ALPK1: variants seen among roughly 807,000 people sequenced by gnomAD.
ALPK1 encodes alpha-protein kinase 1.
In ALPK1, 110 loss-of-function variants were observed where a neutral mutation model predicts 120.6. The observed-to-expected ratio is 0.91, with a 90% confidence interval of 0.78 to 1.07. ALPK1 has a LOEUF of 1.07. ALPK1 is among the 50% of genes least tolerant of loss of function. The probability of loss-of-function intolerance (pLI) is 0.00; values close to 1 mark genes in which losing one functional copy is unlikely to be tolerated. For synonymous variants in ALPK1, 582 were observed against 560.3 expected (o/e 1.04, Z -0.55); for missense variants, 1,498 against 1,483.9 (o/e 1.01, Z -0.16).
In ALPK1 at chr4:112,432,136, T is replaced by A. The variant is rs1409535886; in HGVS notation, c.2589T>A (p.Val863=). ...GGCAACTGCTCGACAGCATGGATGT[T>A]CCCTGCACAAATGGGCACGGCTCTC... ...EEGQLLDSMD[V]PCTNGHGSHR... The change falls in exon 11 of 16, where the codon GTT becomes GTA. Residue 863 remains valine (V), a synonymous_variant. Coordinates refer to ENST00000650871, the MANE Select transcript of ALPK1 (RefSeq NM_025144.4). 6.2e-7 allele frequency: 1 copy of A among 1,614,198 alleles called. No homozygotes were observed. Among genetic ancestry groups the A allele is most frequent in the Non-Finnish European group, 8.5e-7 (1 of 1,180,030 alleles).
At chr4:112,320,066 AC>A (rs1339232352) in intron 2 of ALPK1, among the ~76,000 whole-genome samples, 1 of 152,152 alleles carries the variant, frequency 6.6e-6, no homozygotes, top group East Asian at 1.9e-4. Context: ...TCTGGCTAGG[AC>A]TTCCAGTGCT....
chr4:112,359,350 A>C (rs369230588), intron 2 of ALPK1: 23 of 389,270 alleles, frequency 5.9e-5, no homozygotes, highest in African/African-American at 4.5e-4. Flanking sequence ...GCCTACAAGC[A>C]GGATGATGAC....
intron 2 of ALPK1, among the ~76,000 whole-genome samples, chr4:112,338,474 C>T (rs1355473896): frequency 1.3e-5 from 2 of 152,006 alleles, no homozygotes; most frequent in African/African-American, 4.8e-5. Context: ...AAAGTCTATA[C>T]TTTTTTTACC....
intron 3 of ALPK1, among the ~76,000 whole-genome samples, chr4:112,382,176 T>C (rs1731943155): frequency 6.6e-6 from 1 of 152,198 alleles, no homozygotes; most frequent in African/African-American, 2.4e-5. Context: ...CCAATTTACC[T>C]GTAGGGCAAA....
At chr4:112,325,508 T>C (rs1195730901) in intron 2 of ALPK1, among the ~76,000 whole-genome samples, 1 of 152,224 alleles carries the variant, frequency 6.6e-6, no homozygotes, top group Non-Finnish European at 1.5e-5. Flanking sequence ...ATTTAGGTCA[T>C]TCACATTCAA....
intron 4 of ALPK1, among the ~76,000 whole-genome samples, chr4:112,387,822 G>A (rs1732220486): frequency 6.6e-6 from 1 of 152,206 alleles, no homozygotes; most frequent in Non-Finnish European, 1.5e-5. Flanking sequence ...ATGCAGGTTT[G>A]TTATGTAGGT....
At chr4:112,331,638 A>G (rs1196533143) in intron 2 of ALPK1, among the ~76,000 whole-genome samples, 1 of 152,268 alleles carries the variant, frequency 6.6e-6, no homozygotes, top group African/African-American at 2.4e-5. Flanking sequence ...ATGCATAAAC[A>G]TCAGTAAATC....
At chr4:112,394,108 C>T (rs1022649846) in intron 4 of ALPK1, among the ~76,000 whole-genome samples, 1 of 152,150 alleles carries the variant, frequency 6.6e-6, no homozygotes, top group Admixed American at 6.5e-5. Context: ...CCAAGTCACA[C>T]AGCCAGTTCG....
At chr4:112,356,532 G>T in intron 2 of ALPK1, 1 of 855,192 alleles carries the variant, frequency 1.2e-6, no homozygotes, top group East Asian at 2.8e-5. Flanking sequence ...CCGGCCTGAG[G>T]TGTGTGTGCT....
At position 112,438,617 on chromosome 4, in the gene ALPK1, A is replaced by G; in HGVS notation, c.3322A>G (p.Ile1108Val). The G allele has an allele frequency of 6.2e-7, 1 of 1,613,780 alleles. No homozygotes were observed. The highest frequency in any genetic ancestry group is 8.5e-7 in the Non-Finnish European group (1 of 1,179,774). Residue 1108 changes from isoleucine to valine, a missense_variant, in exon 13 of 16, where the codon ATA becomes GTA. Ile to Val is a conservative substitution (Grantham distance 29). Transcript: ENST00000650871. Reference sequence around the variant, plus strand: ...CTATGAACAAAACATTCCCACCCAGATATTCTACATCCCATCCACAATACT... The same window carrying G: ...CTATGAACAAAACATTCCCACCCAGGTATTCTACATCCCATCCACAATACT... ...RLYEQNIPTQ[I>V]FYIPSTILLI...
chr4:112,356,256 C>T, intron 2 of ALPK1: 1 of 1,397,718 alleles, frequency 7.2e-7, no homozygotes, highest in South Asian at 1.2e-5. Context: ...CTGGAGAGCC[C>T]CGCGGGCACA....
At chr4:112,406,657 A>C (rs1044361116) in intron 4 of ALPK1, among the ~76,000 whole-genome samples, 1 of 152,166 alleles carries the variant, frequency 6.6e-6, no homozygotes, top group African/African-American at 2.4e-5. Context: ...AGAAGTTAGA[A>C]TCCCTCTCCA....
chr4:112,355,405 G>A (rs970904654), intron 2 of ALPK1, among the ~76,000 whole-genome samples: 6 of 152,154 alleles, frequency 3.9e-5, no homozygotes, highest in African/African-American at 1.4e-4. Context: ...AAGCTGGACC[G>A]AGCGGGAGAG....
At chr4:112,379,340 G>C (rs1264456222) in intron 3 of ALPK1, among the ~76,000 whole-genome samples, 4 of 152,214 alleles carry the variant, frequency 2.6e-5, no homozygotes, top group African/African-American at 9.6e-5. Flanking sequence ...AGCTGCTTGG[G>C]GAAGCAAGTG....
intron 2 of ALPK1, among the ~76,000 whole-genome samples, chr4:112,373,187 G>A (rs1209505364): frequency 1.3e-5 from 2 of 152,190 alleles, no homozygotes; most frequent in East Asian, 3.8e-4. Context: ...CCTCTGTCAA[G>A]GAATGATGGG....
intron 2 of ALPK1, chr4:112,356,694 G>T: frequency 1.0e-6 from 1 of 974,634 alleles, no homozygotes. Context: ...GAGCTGGCCA[G>T]CCCCATCCTG....
rs1336343869 is a variant in ALPK1, at chr4:112,411,914, G to C, written c.364G>C (p.Asp122His). Residue 122 changes from aspartate (D) to histidine (H), a missense_variant, in exon 5 of 16, where the codon GAC (aspartate) becomes CAC (histidine). Asp to His is a moderately conservative substitution (Grantham distance 81). Coordinates refer to ENST00000650871, the MANE Select transcript of ALPK1 (RefSeq NM_025144.4). The stretch of plus-strand genomic sequence containing the variant: ...GGTGGACCGGTTCCTGTATGGGCTC[G>C]ACGTCTCTGGAAAACTTCTGCAGGT... Reference protein sequence around the residue: ...FLVDRFLYGLDVSGKLLQVAK... With the variant: ...FLVDRFLYGLHVSGKLLQVAK... 1 of 1,614,092 alleles carries C rather than the reference G, an allele frequency of 6.2e-7. No individual in the cohort carries two copies. The highest frequency in any genetic ancestry group is 1.7e-5 in the Admixed American group (1 of 60,024).
chr4:112,434,267 G>T (rs1403438530), intron 11 of ALPK1, among the ~76,000 whole-genome samples: 3 of 152,122 alleles, frequency 2.0e-5, no homozygotes, highest in African/African-American at 7.2e-5. Flanking sequence ...CCTGTGTGTG[G>T]ACAGACAACT....
In ALPK1 at chr4:112,352,828, T is replaced by G. The variant is rs191041279; in HGVS notation, c.-100-24850T>G. 145 of 152,334 alleles carry G rather than the reference T, an allele frequency of 9.5e-4. 4 individuals are homozygous for G. Among genetic ancestry groups the G allele is most frequent in the Admixed American group, 9.3e-3 (142 of 15,300 alleles). 9.4% of individuals were successfully genotyped at this position (152,334 alleles called of 1,614,324 possible). Reference sequence around the variant, plus strand: ...TTACCCATGTTGTTATATGTAACCATAAGTTATTCATTTGTTTATTTTTTC... The same window carrying G: ...TTACCCATGTTGTTATATGTAACCAGAAGTTATTCATTTGTTTATTTTTTC... On this transcript the variant is annotated intron_variant, in intron 2 of 15. Coordinates refer to ENST00000650871, the MANE Select transcript of ALPK1 (RefSeq NM_025144.4).
Sources: allele counts gnomAD v4.1 joint callset (sites outside exome capture counted in the v4.1 genomes callset), GRCh38; gene constraint gnomAD v4.1.1; transcripts MANE v1.5; gene names NCBI Gene and HGNC (gene_info 2026-07-23, HGNC 2026-07-21).